The following JMJD1C variants were observed in gnomAD, a reference collection of about 807,000 sequenced individuals.
JMJD1C encodes the protein jumonji domain containing 1C.
JMJD1C carries 31 observed loss-of-function variants against 245.3 expected under a neutral mutation model. The ratio of observed to expected loss-of-function variants is 0.13; its 90% confidence interval spans 0.09 to 0.17. The LOEUF (loss-of-function observed/expected upper bound fraction) is 0.17. Ranked by LOEUF, JMJD1C falls within the 10% of genes least tolerant of loss-of-function variation. The pLI is 1.00. For missense variants in JMJD1C, 2,691 were observed against 3,000.2 expected (o/e 0.90, Z 2.41); for synonymous variants, 1,057 against 1,017.4 (o/e 1.04, Z -0.74).
chr10:63,426,419 C>CAA (rs936606764), intron 1 of JMJD1C, among the ~76,000 whole-genome samples: 1 of 151,782 alleles, frequency 6.6e-6, no homozygotes, highest in Non-Finnish European at 1.5e-5. Flanking sequence ...TATAAAAAGA[C>CAA]AATGACACTT....
intron 1 of JMJD1C, among the ~76,000 whole-genome samples, chr10:63,408,912 A>T (rs1949329702): frequency 6.6e-6 from 1 of 152,188 alleles, no homozygotes; most frequent in Non-Finnish European, 1.5e-5. Context: ...TAAAATTGAC[A>T]GGATACCTAA....
chr10:63,345,654 G>A (rs896947983), intron 2 of JMJD1C, among the ~76,000 whole-genome samples: 5 of 152,094 alleles, frequency 3.3e-5, no homozygotes, highest in African/African-American at 1.2e-4. Context: ...CTAGCCAGAG[G>A]TTAGGAGTAG....
intron 3 of JMJD1C, chr10:63,222,531 A>C (rs1303137232): frequency 7.1e-7 from 1 of 1,408,908 alleles, no homozygotes; most frequent in Non-Finnish European, 1.0e-6. Flanking sequence ...TGTCCCAAAG[A>C]TACTCAACTC....
chr10:63,209,240 T>TAA lies in JMJD1C; in HGVS notation c.2695-7_2695-6dup, dbSNP rs1564612713. On this transcript the variant is annotated splice_region_variant and splice_polypyrimidine_tract_variant and intron_variant, in intron 8 of 25. Transcript: ENST00000399262. ...TAGCCAAGGACTGGGAGAATTCTAT[T>TAA]AACAAAACAAAACAAAAAAAACACC... 2.5e-6 allele frequency: 4 copies of TAA among 1,588,554 alleles called. No individual in the cohort carries two copies. In the South Asian group the frequency reaches 4.6e-5, roughly 18 times the overall value.
intron 1 of JMJD1C, among the ~76,000 whole-genome samples, chr10:63,445,166 G>A (rs1473903978): frequency 6.6e-6 from 1 of 152,180 alleles, no homozygotes; most frequent in Non-Finnish European, 1.5e-5. Context: ...ATTGCAGTAA[G>A]CTATGACCAC....
At chr10:63,271,582 G>A (rs139508139) in intron 2 of JMJD1C, among the ~76,000 whole-genome samples, 3 of 151,508 alleles carry the variant, frequency 2.0e-5, no homozygotes, top group East Asian at 1.9e-4. Flanking sequence ...ATAGAGTTTC[G>A]CTCATGTTGC....
chr10:63,210,187 A>G (rs1404408270), intron 8 of JMJD1C, among the ~76,000 whole-genome samples: 2 of 152,162 alleles, frequency 1.3e-5, no homozygotes, highest in Non-Finnish European at 2.9e-5. Context: ...AAACGGCCTC[A>G]GTTCTATAAG....
At chr10:63,447,095 C>G (rs999188450) in intron 1 of JMJD1C, among the ~76,000 whole-genome samples, 2 of 146,376 alleles carry the variant, frequency 1.4e-5, no homozygotes, top group South Asian at 4.3e-4. Flanking sequence ...AAAGACAAAA[C>G]AGTATTTAAA....
At chr10:63,175,988 A>C (rs989283592) in intron 24 of JMJD1C, among the ~76,000 whole-genome samples, 1 of 152,188 alleles carries the variant, frequency 6.6e-6, no homozygotes, top group Non-Finnish European at 1.5e-5. Flanking sequence ...GTGTCCCCCC[A>C]TGCTTTTAAG....
At chr10:63,191,218 G>T in intron 16 of JMJD1C, 110 bp from the exon 17 acceptor site, 1 of 751,802 alleles carries the variant, frequency 1.3e-6, no homozygotes, top group South Asian at 1.7e-5. Flanking sequence ...TGCAACCTCT[G>T]CCTCCCAGGT....
chr10:63,354,857 C>CAAA (rs148651978), intron 2 of JMJD1C, among the ~76,000 whole-genome samples: 1,217 of 94,900 alleles, frequency 0.013, 28 homozygotes, highest in African/African-American at 0.042. Context: ...TCTACTTTAA[C>CAAA]AAAAAAAAAA....
intron 2 of JMJD1C, among the ~76,000 whole-genome samples, chr10:63,355,080 G>A (rs1004304905): frequency 6.6e-6 from 1 of 151,742 alleles, no homozygotes; most frequent in African/African-American, 2.4e-5. Flanking sequence ...GAGTAAGATA[G>A]AGATTTTTGT....
chr10:63,501,605 A>G (rs2393981), intron 1 of JMJD1C, among the ~76,000 whole-genome samples: 100,206 of 151,924 alleles, frequency 0.66, 35,978 homozygotes, highest in Non-Finnish European at 0.81. Flanking sequence ...GTGAAACCCC[A>G]TCTCTACTAA....
chr10:63,320,743 G>C (rs1453334752), intron 2 of JMJD1C, among the ~76,000 whole-genome samples: 1 of 152,098 alleles, frequency 6.6e-6, no homozygotes, highest in Non-Finnish European at 1.5e-5. Context: ...AGAATCTTTT[G>C]TTCTAATATT....
chr10:63,218,349 A>G (rs1420682377), intron 4 of JMJD1C, among the ~76,000 whole-genome samples: 1 of 152,150 alleles, frequency 6.6e-6, no homozygotes. Flanking sequence ...AAAGTATTCC[A>G]TATGACCTGT....
rs1392468840 is a variant in JMJD1C, at chr10:63,176,366, T to C, written c.7332A>G (p.Gly2444=). Reference sequence around the variant, plus strand: ...ACTGAATAAGAGTACAGGTTCTGACTCCATATTCTTCAAGCAGCCTTTGAC... The same window carrying C: ...ACTGAATAAGAGTACAGGTTCTGACCCCATATTCTTCAAGCAGCCTTTGAC... ...KLRQRLLEEY[G]VRTCTLIQFL... Residue 2444 remains glycine, a synonymous_variant, in exon 24 of 26, where the codon GGA becomes GGG. Transcript: ENST00000399262. The C allele has an allele frequency of 1.9e-6, 3 of 1,613,908 alleles. No individual in the cohort carries two copies. The highest frequency in any genetic ancestry group is 2.5e-6 in the Non-Finnish European group (3 of 1,179,930).
chr10:63,355,320 T>C (rs1277976385), intron 2 of JMJD1C, among the ~76,000 whole-genome samples: 2 of 152,172 alleles, frequency 1.3e-5, no homozygotes, highest in Non-Finnish European at 2.9e-5. Context: ...GAAACTGACA[T>C]TAAGTACAAA....
intron 1 of JMJD1C, among the ~76,000 whole-genome samples, chr10:63,481,205 C>G (rs776046327): frequency 2.0e-5 from 3 of 152,114 alleles, no homozygotes; most frequent in Non-Finnish European, 4.4e-5. Context: ...TCTTCTTTAG[C>G]TGATAAATAG....
At chr10:63,190,413 A>T (rs1269948371) in intron 17 of JMJD1C, among the ~76,000 whole-genome samples, 2 of 152,184 alleles carry the variant, frequency 1.3e-5, no homozygotes, top group Non-Finnish European at 2.9e-5. Context: ...CATCTTGGCC[A>T]GGCTGGTCTT....
Sources: gnomAD v4.1 joint callset for allele counts (sites outside exome capture counted in the v4.1 genomes callset) on GRCh38, gnomAD v4.1.1 for gene constraint, MANE v1.5 for transcripts, NCBI Gene and HGNC (gene_info 2026-07-23, HGNC 2026-07-21) for gene names.